DICER1: variants seen among roughly 807,000 people sequenced by gnomAD.
The protein encoded by DICER1 is endoribonuclease Dicer.
A neutral mutation model predicts 194.1 loss-of-function variants in DICER1; 43 were observed. The ratio of observed to expected loss-of-function variants is 0.22; its 90% CI spans 0.17 to 0.29. DICER1 has a LOEUF of 0.29. DICER1 is among the 10% of genes least tolerant of loss of function. The pLI, the probability that DICER1 is intolerant of heterozygous loss-of-function variation, is 1.00. For synonymous variants in DICER1, 832 were observed against 820.5 expected, an observed-to-expected ratio of 1.01 and a Z score of -0.24; for missense variants, 1,608 against 2,317.0, an observed-to-expected ratio of 0.69 and a Z score of 6.28.
intron 15 of DICER1, 54 bp downstream of exon 15, chr14:95,108,270 T>TC: frequency 6.5e-7 from 1 of 1,548,968 alleles, no homozygotes; most frequent in Non-Finnish European, 8.9e-7. Context: ...TTTTTTTTTT[T>TC]CCTTTTCCTA....
In DICER1 at chr14:95,131,173, C is replaced by T. The variant is rs1893917305; in HGVS notation, c.438+336G>A. Among the ~76,000 whole-genome samples the T allele has an allele frequency of 1.3e-5, 2 of 151,988 alleles. 1 individual carries two copies. Among genetic ancestry groups the T allele is most frequent in the South Asian group, 4.2e-4 (2 of 4,812 alleles). ...GCCTCCCGAGTACCTAGGACTACTA[C>T]GCCACCACGCCCGGCTAATTTTTTT... On this transcript the variant is annotated intron_variant, in intron 4 of 26. Coordinates refer to ENST00000343455, the MANE Select transcript of DICER1 (RefSeq NM_177438.3).
At chr14:95,136,009 T>C (rs1323169974) in intron 1 of DICER1, among the ~76,000 whole-genome samples, 1 of 151,636 alleles carries the variant, frequency 6.6e-6, no homozygotes, top group Non-Finnish European at 1.5e-5. Flanking sequence ...AAATATACAC[T>C]GAAGTATTTA....
chr14:95,114,295 A>G (rs1330383233), intron 11 of DICER1, among the ~76,000 whole-genome samples: 2 of 152,234 alleles, frequency 1.3e-5, no homozygotes, highest in African/African-American at 4.8e-5. Context: ...AGATGTTAAA[A>G]AGACAAAGAA....
chr14:95,140,465 T>C (rs1380224660), intron 1 of DICER1, among the ~76,000 whole-genome samples: 1 of 152,180 alleles, frequency 6.6e-6, no homozygotes, highest in Non-Finnish European at 1.5e-5. Flanking sequence ...CCTAGGTGTA[T>C]AATAGGCTAT....
At chr14:95,108,583 A>T in intron 14 of DICER1, 80 bp from the exon 15 acceptor site, 1 of 1,305,286 alleles carries the variant, frequency 7.7e-7, no homozygotes, top group Non-Finnish European at 1.1e-6. Flanking sequence ...AAACAAATTA[A>T]TTCTGGCTTT....
At chr14:95,111,534 G>A (rs1891962297) in intron 13 of DICER1, 78 bp from the exon 14 acceptor site, 1 of 1,472,462 alleles carries the variant, frequency 6.8e-7, no homozygotes, top group Non-Finnish European at 9.5e-7. Flanking sequence ...ACAGAACTAT[G>A]TTAGAAGGAC....
At position 95,086,796 on chromosome 14, in the gene DICER1, A is replaced by G. The variant is rs1328165997; in HGVS notation, c.*3702T>C. ...AAACTTTTCATGTACAATATAAAATAAAGAAATTTATCTGGAAATAATTAA... is the reference window on the plus strand; with the variant it reads ...AAACTTTTCATGTACAATATAAAATGAAGAAATTTATCTGGAAATAATTAA... On this transcript the variant is annotated 3_prime_UTR_variant, in exon 27 of 27. Coordinates refer to ENST00000343455, the MANE Select transcript of DICER1 (RefSeq NM_177438.3). The G allele has an allele frequency of 4.3e-6, 1 of 232,430 alleles. No individual in the cohort carries two copies. Among genetic ancestry groups the G allele is most frequent in the Non-Finnish European group, 8.5e-6 (1 of 117,648 alleles). 14.4% of individuals were successfully genotyped at this position (232,430 alleles called of 1,614,324 possible). A position where few individuals can be genotyped will look rare whatever the true frequency, so the allele number is the denominator to read the frequency against.
intron 1 of DICER1, among the ~76,000 whole-genome samples, chr14:95,152,723 C>T (rs74079214): frequency 3.2e-4 from 49 of 152,256 alleles, no homozygotes; most frequent in African/African-American, 1.1e-3. Flanking sequence ...TAAAGGAGTA[C>T]CAACAATTCA....
chr14:95,139,491 T>A (rs1894689629), intron 1 of DICER1, among the ~76,000 whole-genome samples: 1 of 152,208 alleles, frequency 6.6e-6, no homozygotes, highest in Non-Finnish European at 1.5e-5. Flanking sequence ...TATCACAGAT[T>A]TTTAGAGCTA....
chr14:95,113,372 G>A (rs1892156224), intron 11 of DICER1, 148 bp from the exon 12 acceptor site: 12 of 776,374 alleles, frequency 1.5e-5, no homozygotes, highest in Non-Finnish European at 2.4e-5. Context: ...TTCAAACTTC[G>A]AATAAGACAG....
intron 8 of DICER1, among the ~76,000 whole-genome samples, chr14:95,120,459 A>G (rs980227924): frequency 6.6e-6 from 1 of 152,246 alleles, no homozygotes; most frequent in Admixed American, 6.5e-5. Context: ...TAAAAGTTAA[A>G]TAACTTTCAC....
At chr14:95,092,381 AACTT>A (rs775571400) in intron 24 of DICER1, among the ~76,000 whole-genome samples, 2 of 152,210 alleles carry the variant, frequency 1.3e-5, no homozygotes, top group African/African-American at 2.4e-5. Context: ...TACTTGTACT[AACTT>A]TTCTAAAATC....
Position 95,111,356 on chromosome 14 carries a change from T to C in DICER1, c.2217A>G (p.Arg739=). ...HDEEETSVPG[R]PGSTKRRQCY... ...ACTGCCTTCGTTTCGTGGAACCTGG[T>C]CTTCCTGGAACACTGGTCTCTTCTT... The change falls in exon 14 of 27, where the codon AGA becomes AGG. Residue 739 remains arginine (R), a synonymous_variant. Transcript: ENST00000343455. The C allele has an allele frequency of 6.2e-7, 1 of 1,614,204 alleles. No homozygotes were observed. Among genetic ancestry groups the C allele is most frequent in the Non-Finnish European group, 8.5e-7 (1 of 1,180,018 alleles).
In DICER1 at chr14:95,112,222, A is replaced by C. The variant is rs1892035772; in HGVS notation, c.2066T>G (p.Leu689Trp). ...IVGPPMSCVR[L>W]AERVVALICC... is the part of the protein sequence containing the mutation. ...AATGAGAGCTACAACTCTTTCAGCCAATCGTACACAGCTCATTGGTGGACC... is the reference window on the plus strand; with the variant it reads ...AATGAGAGCTACAACTCTTTCAGCCCATCGTACACAGCTCATTGGTGGACC... Residue 689 changes from leucine to tryptophan, a missense_variant, in exon 13 of 27, where the codon TTG (leucine) becomes TGG (tryptophan). By Grantham distance (61) the Leu-to-Trp change is moderately conservative. This residue lies in a region of DICER1 where 657 missense variants were observed against 910.1 expected (regional missense o/e 0.72). Transcript: ENST00000343455. 1 of 1,614,084 alleles carries C rather than the reference A, an allele frequency of 6.2e-7. No individual in the cohort carries two copies. The highest frequency in any genetic ancestry group is 8.5e-7 in the Non-Finnish European group (1 of 1,179,976).
At chr14:95,129,681 A>C in intron 5 of DICER1, 49 bp from the exon 6 acceptor site, 1 of 1,535,130 alleles carries the variant, frequency 6.5e-7, no homozygotes, top group Non-Finnish European at 8.9e-7. Flanking sequence ...TTGCAAGGCT[A>C]TAACAAGAGA....
At chr14:95,102,074 G>A (rs1465161965) in intron 21 of DICER1, among the ~76,000 whole-genome samples, 1 of 152,096 alleles carries the variant, frequency 6.6e-6, no homozygotes, top group East Asian at 1.9e-4. Flanking sequence ...ATTAAATTAG[G>A]TTTATATGCA....
chr14:95,125,155 T>A (rs1413103980), intron 7 of DICER1, among the ~76,000 whole-genome samples: 1 of 152,202 alleles, frequency 6.6e-6, no homozygotes, highest in African/African-American at 2.4e-5. Flanking sequence ...CACCTCTGGA[T>A]GCCACGGTGA....
intron 2 of DICER1, among the ~76,000 whole-genome samples, 197 bp downstream of exon 2, chr14:95,133,118 C>G (rs773034825): frequency 6.6e-6 from 1 of 152,026 alleles, no homozygotes; most frequent in Non-Finnish European, 1.5e-5. Flanking sequence ...TTCACAAATA[C>G]AACTATCAAA....
At chr14:95,151,010 T>G (rs1288710281) in intron 1 of DICER1, among the ~76,000 whole-genome samples, 1 of 152,092 alleles carries the variant, frequency 6.6e-6, no homozygotes, top group Non-Finnish European at 1.5e-5. Flanking sequence ...ATTACAGGAG[T>G]GAGCCACTGT....
Sources: gnomAD v4.1 joint callset for allele counts (sites outside exome capture counted in the v4.1 genomes callset) on GRCh38, gnomAD v4.1.1 for gene constraint, gnomAD v4.1.1 regional missense constraint, MANE v1.5 for transcripts, NCBI Gene and HGNC (gene_info 2026-07-23, HGNC 2026-07-21) for gene names.